FGFR2: variants seen among roughly 807,000 people sequenced by gnomAD.
FGFR2 encodes the protein BEK fibroblast growth factor receptor.
A neutral mutation model predicts 95.9 loss-of-function variants in FGFR2; 19 were observed. The observed-to-expected ratio is 0.20, with a 90% confidence interval of 0.14 to 0.29. The LOEUF (loss-of-function observed/expected upper bound fraction) is 0.29. Among genes scored for constraint, FGFR2 ranks in the 10% least tolerant of loss-of-function variants. FGFR2 has a pLI of 1.00. For missense variants in FGFR2, 707 were observed against 1,056.9 expected, an observed-to-expected ratio of 0.67 and a Z score of 4.59; for synonymous variants, 392 against 393.3, an observed-to-expected ratio of 1.00 and a Z score of 0.04.
intron 12 of FGFR2, among the ~76,000 whole-genome samples, 179 bp downstream of exon 12, chr10:121,498,316 G>C (rs549455638): frequency 6.6e-6 from 1 of 152,164 alleles, no homozygotes; most frequent in Non-Finnish European, 1.5e-5. Flanking sequence ...CCCCAGGTAC[G>C]GGCACAGACC....
At chr10:121,492,079 G>GAAC (rs1449645502) in intron 13 of FGFR2, among the ~76,000 whole-genome samples, 1 of 151,950 alleles carries the variant, frequency 6.6e-6, no homozygotes, top group Non-Finnish European at 1.5e-5. Flanking sequence ...AGGAGGCTGA[G>GAAC]GTGGGAGAAT....
rs1242159669 is a variant in FGFR2, at chr10:121,527,813, G to A, written c.749-7644C>T. ...TTTGACACTGATGTAAAACTCAGGC[G>A]TCAGTCTCCCAGGCTCCCTCCCGAG... is the stretch of plus-strand genomic sequence containing the variant. On this transcript the variant is annotated intron_variant, in intron 6 of 17. Transcript: ENST00000358487. 7 of 152,236 alleles carry A rather than the reference G, an allele frequency of 4.6e-5. No homozygotes were observed. The East Asian group carries it at 9.7e-4, about 21-fold the overall frequency. The allele number at this position is 152,236 out of a possible 1,614,324, so 9.4% of individuals were successfully genotyped here.
intron 4 of FGFR2, 70 bp downstream of exon 4, chr10:121,564,432 G>C: frequency 7.2e-7 from 1 of 1,388,910 alleles, no homozygotes; most frequent in South Asian, 1.2e-5. Context: ...TCGACAAGAA[G>C]ACAGGTGACA....
chr10:121,496,815 CTTTT>C, intron 12 of FGFR2, 93 bp from the exon 13 acceptor site: 16 of 874,402 alleles, frequency 1.8e-5, no homozygotes, highest in Non-Finnish European at 2.6e-5. Flanking sequence ...ACAACCCATG[CTTTT>C]TTTTTTTTTT....
intron 2 of FGFR2, among the ~76,000 whole-genome samples, chr10:121,579,510 C>G (rs1353313537): frequency 6.6e-6 from 1 of 151,388 alleles, no homozygotes; most frequent in Non-Finnish European, 1.5e-5. Flanking sequence ...GACTAAACAT[C>G]TGAAGATTTT....
chr10:121,493,366 A>G (rs1023535650), intron 13 of FGFR2, among the ~76,000 whole-genome samples: 1 of 152,188 alleles, frequency 6.6e-6, no homozygotes, highest in African/African-American at 2.4e-5. Flanking sequence ...TGCCAGCTCC[A>G]AAACAGGAAG....
At chr10:121,563,226 T>C (rs965775716) in intron 4 of FGFR2, among the ~76,000 whole-genome samples, 2 of 152,054 alleles carry the variant, frequency 1.3e-5, no homozygotes, top group Admixed American at 6.5e-5. Flanking sequence ...ATACAAAAAT[T>C]AGCCAGGTGT....
chr10:121,495,051 C>T (rs1464048356), intron 13 of FGFR2, among the ~76,000 whole-genome samples: 3 of 152,040 alleles, frequency 2.0e-5, no homozygotes, highest in Non-Finnish European at 4.4e-5. Flanking sequence ...TTTTGTCTTT[C>T]GAGACACTGA....
intron 5 of FGFR2, among the ~76,000 whole-genome samples, chr10:121,546,158 ATC>A (rs1854480292): frequency 1.3e-5 from 2 of 149,328 alleles, no homozygotes; most frequent in Non-Finnish European, 2.9e-5. Context: ...CCTGTGAAAT[ATC>A]TAGCCATGAA....
chr10:121,581,256 G>A (rs1157964275), intron 2 of FGFR2, among the ~76,000 whole-genome samples: 1 of 152,160 alleles, frequency 6.6e-6, no homozygotes, highest in African/African-American at 2.4e-5. Flanking sequence ...TTCACTCAAC[G>A]GCCTCTGCTC....
intron 6 of FGFR2, among the ~76,000 whole-genome samples, chr10:121,534,663 T>C (rs1852576973): frequency 6.6e-6 from 1 of 152,016 alleles, no homozygotes; most frequent in Admixed American, 6.6e-5. Context: ...CCCCAAGTGC[T>C]AGGTTACAGG....
At chr10:121,567,051 T>C (rs1197955833) in intron 2 of FGFR2, among the ~76,000 whole-genome samples, 1 of 151,970 alleles carries the variant, frequency 6.6e-6, no homozygotes, top group Non-Finnish European at 1.5e-5. Context: ...GCCTAGAAAA[T>C]GCAAAGCTTC....
intron 13 of FGFR2, among the ~76,000 whole-genome samples, chr10:121,493,605 C>G (rs534288623): frequency 6.6e-6 from 1 of 152,310 alleles, no homozygotes; most frequent in South Asian, 2.1e-4. Flanking sequence ...CAGTCAATCT[C>G]TAGATTTGAG....
Position 121,518,204 on chromosome 10 carries a change from G to A in FGFR2, c.940-741C>T. Reference sequence around the variant, plus strand: ...CTCAAATTTGGTGCAACAAGGTCAAGAACAGCAACTCATAAGGATCAACCA... The same window carrying A: ...CTCAAATTTGGTGCAACAAGGTCAAAAACAGCAACTCATAAGGATCAACCA... On this transcript the variant is annotated intron_variant, in intron 7 of 17. Coordinates refer to ENST00000358487, the MANE Select transcript of FGFR2 (RefSeq NM_000141.5). This position sits in a 1 kb window ranked among gnomAD's most constrained non-coding sequence, Gnocchi z 4.0. 1 of 310,472 alleles carries A rather than the reference G, an allele frequency of 3.2e-6. No homozygotes were observed. The highest frequency in any genetic ancestry group is 6.2e-6 in the Non-Finnish European group (1 of 160,638). The allele number at this position is 310,472 out of a possible 1,614,324, so 19.2% of individuals were successfully genotyped here.
intron 4 of FGFR2, among the ~76,000 whole-genome samples, chr10:121,558,493 C>G (rs1213544892): frequency 6.6e-6 from 1 of 152,156 alleles, no homozygotes; most frequent in African/African-American, 2.4e-5. Flanking sequence ...AAAATATGAC[C>G]AGAGAATGCC....
At chr10:121,502,167 A>G (rs958692629) in intron 10 of FGFR2, among the ~76,000 whole-genome samples, 15 of 152,230 alleles carry the variant, frequency 9.9e-5, no homozygotes, top group African/African-American at 3.4e-4. Flanking sequence ...TTCTTAAAAT[A>G]TGATCACAAC....
chr10:121,558,246 T>C (rs1252987456), intron 4 of FGFR2, among the ~76,000 whole-genome samples: 1 of 152,224 alleles, frequency 6.6e-6, no homozygotes, highest in Admixed American at 6.5e-5. Context: ...CTAGTTAACT[T>C]ATACTTTTCT....
chr10:121,529,139 C>T (rs1017278990), intron 6 of FGFR2, among the ~76,000 whole-genome samples: 2 of 152,036 alleles, frequency 1.3e-5, no homozygotes, highest in African/African-American at 2.4e-5. Flanking sequence ...GAAGGAGTCT[C>T]ACTCTGTCAC....
chr10:121,558,882 C>T (rs893863754), intron 4 of FGFR2, among the ~76,000 whole-genome samples: 10 of 151,948 alleles, frequency 6.6e-5, no homozygotes, highest in African/African-American at 1.2e-4. Flanking sequence ...CCACCGCGCC[C>T]GATCTTTAAT....
Sources: gnomAD v4.1 joint callset for allele counts (sites outside exome capture counted in the v4.1 genomes callset) on GRCh38, gnomAD v4.1.1 for gene constraint, Gnocchi (gnomAD v3.1) non-coding constraint, MANE v1.5 for transcripts, NCBI Gene and HGNC (gene_info 2026-07-23, HGNC 2026-07-21) for gene names.